RSPH14: variants seen among roughly 807,000 people sequenced by gnomAD.
The protein encoded by RSPH14 is radial spoke head 14 homolog, also known as rhabdoid tumor deletion region gene 1.
In RSPH14, 20 loss-of-function variants were observed where a neutral mutation model predicts 26.7. The ratio of observed to expected loss-of-function variants is 0.75; its 90% CI spans 0.53 to 1.09. The LOEUF is 1.09. Ranked by LOEUF, RSPH14 falls within the 50% of genes least tolerant of loss-of-function variation. The probability of loss-of-function intolerance (pLI) is 0.00; values close to 1 mark genes in which losing one functional copy is unlikely to be tolerated. For missense variants in RSPH14, 449 were observed against 457.2 expected (o/e 0.98, Z 0.16); for synonymous variants, 177 against 189.3 (o/e 0.93, Z 0.53).
chr22:23,090,750 AC>A (rs1346169782), intron 4 of RSPH14, among the ~76,000 whole-genome samples: 1 of 151,278 alleles, frequency 6.6e-6, no homozygotes, highest in African/African-American at 2.4e-5. Context: ...CGCATGTGCC[AC>A]CCCCAACCCT....
chr22:23,077,063 C>T (rs1435729140), intron 4 of RSPH14, among the ~76,000 whole-genome samples: 2 of 152,224 alleles, frequency 1.3e-5, no homozygotes, highest in East Asian at 1.9e-4. Context: ...GGCTGTGCTG[C>T]AGCCCAGAGG....
the RSPH14 span, among the ~76,000 whole-genome samples, chr22:23,171,061 G>A: frequency 6.6e-6 from 1 of 151,912 alleles, no homozygotes; most frequent in East Asian, 1.9e-4. Context: ...TCTGCCTCCC[G>A]GGTTCAAGCG....
chr22:23,170,340 C>T, the RSPH14 span, among the ~76,000 whole-genome samples: 2 of 152,146 alleles, frequency 1.3e-5, no homozygotes, highest in Non-Finnish European at 2.9e-5. Flanking sequence ...ATCAGGGTGC[C>T]AACACGGTTG....
intron 4 of RSPH14, among the ~76,000 whole-genome samples, chr22:23,095,094 G>A (rs547030600): frequency 6.6e-6 from 1 of 152,322 alleles, no homozygotes; most frequent in African/African-American, 2.4e-5. Flanking sequence ...GCCCTACAGC[G>A]CCCCATGGAG....
upstream of RSPH14, among the ~76,000 whole-genome samples, chr22:23,146,851 G>T (rs1262569213): frequency 6.6e-6 from 1 of 152,184 alleles, no homozygotes; most frequent in African/African-American, 2.4e-5. Context: ...CCCAAGGTGG[G>T]ACCGCAAGTT....
At chr22:23,161,059 C>T in the RSPH14 span, 96 of 1,534,510 alleles carry the variant, frequency 6.3e-5, no homozygotes, top group South Asian at 5.8e-4. Context: ...AATCCACATG[C>T]GCCATCCTCG....
upstream of RSPH14, chr22:23,145,337 G>T: frequency 7.3e-7 from 1 of 1,378,878 alleles, no homozygotes; most frequent in Non-Finnish European, 9.6e-7. Context: ...TGCCAGCCCC[G>T]CCCAGACTCC....
At chr22:23,109,677 C>G (rs1012556361) in intron 4 of RSPH14, among the ~76,000 whole-genome samples, 12 of 152,210 alleles carry the variant, frequency 7.9e-5, no homozygotes, top group African/African-American at 2.9e-4. Flanking sequence ...CCGAGCCTGT[C>G]TCCCTCAGCA....
intron 4 of RSPH14, among the ~76,000 whole-genome samples, chr22:23,095,037 T>G (rs1402279799): frequency 1.3e-5 from 2 of 152,202 alleles, no homozygotes; most frequent in African/African-American, 2.4e-5. Flanking sequence ...TGGCTTCAGG[T>G]GGACTGTCCA....
intron 4 of RSPH14, chr22:23,095,791 C>T (rs780522450): frequency 1.7e-5 from 27 of 1,613,322 alleles, no homozygotes; most frequent in South Asian, 4.4e-5. Context: ...GGCAACGCCG[C>T]GAAATCAAGC....
chr22:23,100,627 C>T (rs553592143), intron 4 of RSPH14, among the ~76,000 whole-genome samples: 1 of 152,338 alleles, frequency 6.6e-6, no homozygotes, highest in South Asian at 2.1e-4. Context: ...AGGTCAGCAG[C>T]CTCAGCACAC....
chr22:23,081,415 TC>T (rs2068674099), intron 4 of RSPH14, among the ~76,000 whole-genome samples: 1 of 152,204 alleles, frequency 6.6e-6, no homozygotes, highest in Non-Finnish European at 1.5e-5. Flanking sequence ...TCTTAGGTCT[TC>T]CTGCTTTAAT....
intron 3 of RSPH14, among the ~76,000 whole-genome samples, chr22:23,135,056 AC>A (rs1006183502): frequency 2.0e-5 from 3 of 152,084 alleles, no homozygotes; most frequent in Admixed American, 6.5e-5. Flanking sequence ...CTGTGTTCCC[AC>A]CTACTCAGTA....
intron 4 of RSPH14, among the ~76,000 whole-genome samples, chr22:23,080,821 C>T (rs542951580): frequency 1.1e-4 from 16 of 152,290 alleles, no homozygotes; most frequent in African/African-American, 3.8e-4. Flanking sequence ...GAAATCTTGG[C>T]GCGCAAAAAC....
rs1483594421 is a variant in RSPH14, at chr22:23,085,994, G to A, written c.422-21861C>T. Among the ~76,000 whole-genome samples, 4 of 152,268 alleles carry A rather than the reference G, an allele frequency of 2.6e-5. No homozygotes were observed. In the East Asian group the frequency reaches 7.7e-4, roughly 29 times the overall value. On this transcript the variant is annotated intron_variant, in intron 4 of 6. Coordinates refer to ENST00000216036, the MANE Select transcript of RSPH14 (RefSeq NM_014433.3). The stretch of plus-strand genomic sequence containing the variant: ...TGTTTAAGCAACAGCCAGTGGCCTT[G>A]CCTGGCCCCTCGGCAGGGTCCCGCC...
the RSPH14 span, among the ~76,000 whole-genome samples, chr22:23,177,904 A>T: frequency 2.6e-5 from 4 of 152,080 alleles, no homozygotes; most frequent in African/African-American, 9.7e-5. Flanking sequence ...GCTCAGTGCA[A>T]TCCTCCCACC....
chr22:23,101,924 G>A (rs911101944), intron 4 of RSPH14, among the ~76,000 whole-genome samples: 1 of 152,228 alleles, frequency 6.6e-6, no homozygotes, highest in Non-Finnish European at 1.5e-5. Context: ...CTGGCCACAT[G>A]ATATCCCCAG....
At chr22:23,096,016 C>T (rs1395485556) in intron 4 of RSPH14, 1 of 1,607,610 alleles carries the variant, frequency 6.2e-7, no homozygotes, top group East Asian at 2.2e-5. Context: ...CTGTGCAGCT[C>T]TTTGCGCTGA....
chr22:23,123,870 C>G (rs147038488), intron 4 of RSPH14: 3 of 218,312 alleles, frequency 1.4e-5, no homozygotes, highest in African/African-American at 6.9e-5. Flanking sequence ...GCTCGCTGCC[C>G]GAGCTCTGGC....
Sources: allele counts gnomAD v4.1 joint callset (sites outside exome capture counted in the v4.1 genomes callset), GRCh38; gene constraint gnomAD v4.1.1; transcripts MANE v1.5; gene names NCBI Gene and HGNC (gene_info 2026-07-23, HGNC 2026-07-21).